Variants in STAG2 observed in about 807,000 individuals in gnomAD.
The protein encoded by STAG2 is cohesin subunit SA-2.
Under a neutral mutation model 108.1 loss-of-function variants are expected in STAG2, and 14 were observed. The observed-to-expected ratio is 0.13, with a 90% CI of 0.09 to 0.20. The LOEUF is 0.20. Ranked by LOEUF, STAG2 falls within the 10% of genes least tolerant of loss-of-function variation. STAG2 has a pLI of 1.00. For missense variants in STAG2, 440 were observed against 940.9 expected, an observed-to-expected ratio of 0.47 and a Z score of 6.96; for synonymous variants, 307 against 302.7, an observed-to-expected ratio of 1.01 and a Z score of -0.15.
At chrX:123,968,250 G>A (rs2054197175) in intron 1 of STAG2, among the ~76,000 whole-genome samples, 3 of 112,129 alleles carry the variant, frequency 2.7e-5, no homozygotes, top group Admixed American at 9.5e-5. Context: ...TCATTATATG[G>A]CACATGACTG....
intron 27 of STAG2, 65 bp downstream of exon 27, chrX:124,078,123 A>G (rs1221721017): frequency 9.7e-6 from 8 of 822,704 alleles, no homozygotes; most frequent in African/African-American, 6.3e-5. Flanking sequence ...AAAATAAGGT[A>G]GCAGTTGAAA....
chrX:124,001,094 A>C (rs1300828005), intron 1 of STAG2, among the ~76,000 whole-genome samples: 1 of 110,238 alleles, frequency 9.1e-6, no homozygotes, highest in African/African-American at 3.3e-5. Context: ...AAGAAAAAAA[A>C]TTTTTTTTTC....
intron 29 of STAG2, among the ~76,000 whole-genome samples, 196 bp from the exon 30 acceptor site, chrX:124,086,351 A>G (rs1478989888): frequency 9.0e-6 from 1 of 111,534 alleles, no homozygotes; most frequent in Non-Finnish European, 1.9e-5. Context: ...CATAATAGGT[A>G]CTCAGCAAAT....
At chrX:123,970,779 A>C (rs889318081) in intron 1 of STAG2, among the ~76,000 whole-genome samples, 4 of 112,238 alleles carry the variant, frequency 3.6e-5, no homozygotes, top group African/African-American at 1.3e-4. Flanking sequence ...ATGAACAAGA[A>C]CTAATACTAA....
intron 1 of STAG2, among the ~76,000 whole-genome samples, chrX:124,002,646 C>T (rs1029154220): frequency 1.2e-4 from 13 of 110,098 alleles, no homozygotes; most frequent in African/African-American, 1.7e-4. Context: ...TTTTTTGAGA[C>T]GAAGTTTCAC....
At chrX:123,970,341 ATTAG>A (rs1167834167) in intron 1 of STAG2, among the ~76,000 whole-genome samples, 1 of 110,741 alleles carries the variant, frequency 9.0e-6, no homozygotes, top group African/African-American at 3.3e-5. Context: ...CTAGAAAGAT[ATTAG>A]TTAGGTATCA....
chrX:124,084,021 C>G (rs148344841), intron 29 of STAG2, among the ~76,000 whole-genome samples: 1 of 111,748 alleles, frequency 8.9e-6, no homozygotes, highest in Admixed American at 9.6e-5. Flanking sequence ...TCCTTTAATT[C>G]TCAAACAGGG....
At chrX:123,978,470 G>T (rs952409472) in intron 1 of STAG2, among the ~76,000 whole-genome samples, 11 of 111,257 alleles carry the variant, frequency 9.9e-5, no homozygotes, top group African/African-American at 3.3e-4. Flanking sequence ...GGACAATAAT[G>T]TGAGTGGTTT....
intron 1 of STAG2, among the ~76,000 whole-genome samples, chrX:123,988,714 A>G (rs1247215985): frequency 9.0e-6 from 1 of 111,533 alleles, no homozygotes; most frequent in Admixed American, 9.6e-5. Context: ...TTTTCCATTC[A>G]TCTGTGAGTA....
At chrX:123,973,421 A>C (rs1348568541) in intron 1 of STAG2, among the ~76,000 whole-genome samples, 1 of 107,354 alleles carries the variant, frequency 9.3e-6, no homozygotes, top group African/African-American at 3.4e-5. Context: ...GCGTGCCTGT[A>C]GTCCCAGCTA....
At chrX:123,996,076 C>A (rs868505164) in intron 1 of STAG2, among the ~76,000 whole-genome samples, 1 of 112,165 alleles carries the variant, frequency 8.9e-6, no homozygotes, top group South Asian at 3.6e-4. Context: ...ACTGACAGAT[C>A]CGTACATACA....
In STAG2 at chrX:124,062,888, T is replaced by G; in HGVS notation, c.1639-14T>G. ...ATGGGCTTAATAAATACAGAAGTCT[T>G]TCTGTTCCTTTAGGTGCTTACAGCA... On this transcript the variant is annotated splice_polypyrimidine_tract_variant and intron_variant, in intron 17 of 34. Transcript: ENST00000371145. 1 of 1,191,646 alleles carries G rather than the reference T, an allele frequency of 8.4e-7. No individual in the cohort carries two copies. Among genetic ancestry groups the G allele is most frequent in the South Asian group, 1.8e-5 (1 of 55,743 alleles).
chrX:124,043,074 AT>A (rs1450772964), intron 7 of STAG2, among the ~76,000 whole-genome samples: 1 of 109,787 alleles, frequency 9.1e-6, no homozygotes, highest in Non-Finnish European at 1.9e-5. Flanking sequence ...TTGGCATTAG[AT>A]TTAATCAAAT....
chrX:124,063,251 G>T lies in STAG2; in HGVS notation c.1821+46G>T, dbSNP rs368916972. The T allele has an allele frequency of 1.3e-5, 12 of 938,671 alleles. No homozygotes were observed. In the African/African-American group the frequency reaches 1.4e-4, roughly 11 times the overall value. The allele number at this position is 938,671 out of a possible 1,213,427, so 77.4% of individuals were successfully genotyped here. ...AAAAACCTTTAAGAAAAATTATTCA[G>T]TTCATTATATCATAGCGTTTGTTTA... is the stretch of plus-strand genomic sequence containing the variant. On this transcript the variant is annotated intron_variant, in intron 19 of 34. Coordinates refer to ENST00000371145, the MANE Select transcript of STAG2 (RefSeq NM_001042750.2).
Position 124,083,483 on chromosome X carries a change from A to G in STAG2, c.2987A>G (p.Asn996Ser). ...NPQGESHPPL[N>S]LAFLDILSEF... is the part of the protein sequence containing the mutation. ...CAAGGGGAGAGCCATCCACCTTTAA[A>G]TTTGGCATTTCTTGATATTCTGAGT... The change falls in exon 29 of 35, where the codon AAT becomes AGT. Residue 996 changes from asparagine (N) to serine (S), a missense_variant. Asn to Ser is a conservative substitution (Grantham distance 46, BLOSUM62 1). This residue lies in a region of STAG2 where 337 missense variants were observed against 649.3 expected (regional missense o/e 0.52). Transcript: ENST00000371145. 1 of 1,199,811 alleles carries G rather than the reference A, an allele frequency of 8.3e-7. No individual in the cohort carries two copies. Among genetic ancestry groups the G allele is most frequent in the Non-Finnish European group, 1.1e-6 (1 of 888,066 alleles).
chrX:124,090,186 A>AAAAAT (rs1569521239), intron 30 of STAG2, among the ~76,000 whole-genome samples: 13 of 100,072 alleles, frequency 1.3e-4, no homozygotes, highest in Non-Finnish European at 2.4e-4. Context: ...AAAAAAAAAA[A>AAAAAT]GGTTTAGTCC....
intron 1 of STAG2, among the ~76,000 whole-genome samples, chrX:124,005,609 G>T (rs930267963): frequency 3.6e-5 from 4 of 111,817 alleles, no homozygotes; most frequent in African/African-American, 1.3e-4. Context: ...TTTGCATTTA[G>T]CATAGTTTCC....
chrX:123,997,535 G>T (rs1453826826), intron 1 of STAG2, among the ~76,000 whole-genome samples: 6 of 111,736 alleles, frequency 5.4e-5, no homozygotes, highest in Non-Finnish European at 1.1e-4. Context: ...ACACCTTTAG[G>T]TACTTCATCC....
At chrX:124,041,218 A>AT (rs201660600) in intron 6 of STAG2, among the ~76,000 whole-genome samples, 1,298 of 97,295 alleles carry the variant, frequency 0.013, 13 homozygotes, top group African/African-American at 0.029. Context: ...TAAAACAATC[A>AT]TTTTTTTTTT....
Sources: gnomAD v4.1 joint callset for allele counts (sites outside exome capture counted in the v4.1 genomes callset) on GRCh38, gnomAD v4.1.1 for gene constraint, gnomAD v4.1.1 regional missense constraint, MANE v1.5 for transcripts, NCBI Gene and HGNC (gene_info 2026-07-23, HGNC 2026-07-21) for gene names.